Variants in ZNF91 observed in about 807,000 individuals in gnomAD.
ZNF91 encodes zinc finger protein 91 (HPF7, HTF10).
ZNF91 carries 7 observed loss-of-function variants against 12.6 expected under a neutral mutation model. The observed-to-expected ratio is 0.55, with a 90% CI of 0.31 to 1.04. The LOEUF is 1.04. Among genes scored for constraint, ZNF91 ranks in the 50% least tolerant of loss-of-function variants. The pLI is 0.05. For synonymous variants in ZNF91, 453 were observed against 462.6 expected, an observed-to-expected ratio of 0.98 and a Z score of 0.27; for missense variants, 1,217 against 1,385.4, an observed-to-expected ratio of 0.88 and a Z score of 1.93.
chr19:23,389,987 G>T (rs918897047), intron 1 of ZNF91, among the ~76,000 whole-genome samples: 1 of 152,084 alleles, frequency 6.6e-6, no homozygotes. Context: ...AGAACTCAGC[G>T]GAACACTGTA....
At chr19:23,377,478 T>C (rs571644304) in intron 1 of ZNF91, among the ~76,000 whole-genome samples, 65 of 152,310 alleles carry the variant, frequency 4.3e-4, no homozygotes, top group Non-Finnish European at 7.6e-4. Context: ...GGCCCCACTC[T>C]ATGTAATGTG....
At chr19:23,384,333 A>C (rs1364235784) in intron 1 of ZNF91, among the ~76,000 whole-genome samples, 1 of 152,070 alleles carries the variant, frequency 6.6e-6, no homozygotes, top group Non-Finnish European at 1.5e-5. Context: ...TGGCCAGGGC[A>C]GTGCACTCAG....
chr19:23,395,394 A>G lies in ZNF91; in HGVS notation c.-40T>C. On this transcript the variant is annotated 5_prime_UTR_variant, in exon 1 of 4. Coordinates refer to ENST00000300619, the MANE Select transcript of ZNF91 (RefSeq NM_003430.4). ...TCCAATACCTGCAGGTCACAGGGCC[A>G]CACAGGCTGGGCCTCCTGGAGCAGA... is the stretch of plus-strand genomic sequence containing the variant. The G allele has an allele frequency of 3.1e-6, 5 of 1,611,928 alleles. No homozygotes were observed. Among genetic ancestry groups the G allele is most frequent in the Non-Finnish European group, 4.2e-6 (5 of 1,178,940 alleles).
At chr19:23,364,737 A>T (rs776704491) in intron 3 of ZNF91, among the ~76,000 whole-genome samples, 2 of 152,204 alleles carry the variant, frequency 1.3e-5, no homozygotes, top group Non-Finnish European at 2.9e-5. Flanking sequence ...ATGACTACTC[A>T]GCTACACAGG....
At chr19:23,375,214 A>G (rs2885846) in intron 1 of ZNF91, among the ~76,000 whole-genome samples, 78,311 of 151,540 alleles carry the variant, frequency 0.52, 21,707 homozygotes, top group East Asian at 0.85. Flanking sequence ...AGGCTGGAGC[A>G]CAGTGGCGCA....
chr19:23,373,480 A>G (rs968070118), intron 3 of ZNF91, among the ~76,000 whole-genome samples: 2 of 151,596 alleles, frequency 1.3e-5, no homozygotes, highest in Non-Finnish European at 2.9e-5. Flanking sequence ...ATGTAAAATT[A>G]GCAAAATGCA....
At chr19:23,305,161 C>T (rs1967381140) in intron 3 of ZNF91, 1 of 152,148 alleles carries the variant, frequency 6.6e-6, no homozygotes, top group Admixed American at 6.5e-5. Flanking sequence ...TTTCAGATTC[C>T]TTTGCACACT....
chr19:23,323,841 A>G (rs573961354), intron 1 of ZNF91: 1 of 117,956 alleles, frequency 8.5e-6, no homozygotes, highest in Non-Finnish European at 1.7e-5. Context: ...CTTTTCTCCC[A>G]TCCTTTTCCT....
rs142961152 is a variant in ZNF91 at position 23,392,338 on chromosome 19, G to A, written c.30+2987C>T. ...CTGAACCCAAAAGGCAGAGGTTGCA[G>A]TGAGTTGAGATTGCACTACTGCACT... On this transcript the variant is annotated intron_variant, in intron 1 of 3. Transcript: ENST00000300619. Among the ~76,000 whole-genome samples, 557 of 148,660 alleles carry A rather than the reference G, an allele frequency of 3.7e-3. 8 individuals are homozygous for A. Among genetic ancestry groups the A allele is most frequent in the African/African-American group, 0.013 (534 of 40,254 alleles).
At position 23,362,188 on chromosome 19, in the gene ZNF91, T is replaced by A. The variant is rs1353636286; in HGVS notation, c.791A>T (p.Lys264Ile). 6.2e-7 allele frequency: 1 copy of A among 1,613,132 alleles called. No homozygotes were observed. Among genetic ancestry groups the A allele is most frequent in the South Asian group, 1.1e-5 (1 of 90,968 alleles). ...TTHKIICAKE[K>I]IYKCEECGKA... is the part of the protein sequence containing the mutation. ...GCCACATTCTTCACACTTGTAGATTTTCTCTTTAGCACAGATTATTTTATG... is the reference window on the plus strand; with the variant it reads ...GCCACATTCTTCACACTTGTAGATTATCTCTTTAGCACAGATTATTTTATG... The change falls in exon 4 of 4, where the codon AAA becomes ATA. Residue 264 changes from lysine to isoleucine, a missense_variant. Physicochemically the swap from Lys to Ile is moderately radical, Grantham distance 102. Transcript: ENST00000300619.
Position 23,362,413 on chromosome 19 carries a change from T to C in ZNF91, c.566A>G (p.Lys189Arg), listed in dbSNP as rs1968839864. 2 of 1,614,050 alleles carry C rather than the reference T, an allele frequency of 1.2e-6. No individual in the cohort carries two copies. The highest frequency in any genetic ancestry group is 1.7e-6 in the Non-Finnish European group (2 of 1,179,986). Reference protein sequence around the residue: ...KKCFKCKKCVKSFCIRLHKTQ... With the variant: ...KKCFKCKKCVRSFCIRLHKTQ... ...TTTGTGTAAACGGATGCAAAATGAC[T>C]TGACACATTTTTTACATTTGAAGCA... is the stretch of plus-strand genomic sequence containing the variant. The change falls in exon 4 of 4, where the codon AAG becomes AGG. Residue 189 changes from lysine (K) to arginine (R), a missense_variant. By Grantham distance (26) the Lys-to-Arg change is conservative. Coordinates refer to ENST00000300619, the MANE Select transcript of ZNF91 (RefSeq NM_003430.4).
intron 3 of ZNF91, among the ~76,000 whole-genome samples, chr19:23,351,593 A>C (rs1968368667): frequency 1.3e-5 from 2 of 152,230 alleles, no homozygotes; most frequent in Non-Finnish European, 2.9e-5. Flanking sequence ...GACATTGTAG[A>C]AGAAAATGTG....
chr19:23,391,617 A>C (rs1455163946), intron 1 of ZNF91, among the ~76,000 whole-genome samples: 1 of 152,198 alleles, frequency 6.6e-6, no homozygotes, highest in Non-Finnish European at 1.5e-5. Flanking sequence ...TATTTTAAAA[A>C]GTCTAGAAAC....
rs868737671 is a variant in ZNF91, at chr19:23,352,304, G to T, written c.254-13250C>A. Among the ~76,000 whole-genome samples the T allele has an allele frequency of 1.7e-4, 26 of 152,190 alleles. 1 individual carries two copies. The highest frequency in any genetic ancestry group is 3.4e-3 in the Middle Eastern group (1 of 294). On this transcript the variant is annotated intron_variant, in intron 3 of 3. Transcript: ENST00000599743. ...CCCTGACATCCTGTATGACTCAGCA[G>T]AGACAGCCATAATCTTCCTAGGTAC...
intron 1 of ZNF91, among the ~76,000 whole-genome samples, chr19:23,381,462 CTTTT>C (rs201511156): frequency 2.9e-5 from 4 of 137,742 alleles, no homozygotes; most frequent in Admixed American, 7.3e-5. Context: ...TTTTCTTTCT[CTTTT>C]TTTTTTTTTT....
At chr19:23,377,743 G>C (rs1209479316) in intron 1 of ZNF91, among the ~76,000 whole-genome samples, 1 of 152,180 alleles carries the variant, frequency 6.6e-6, no homozygotes, top group Non-Finnish European at 1.5e-5. Context: ...AGCAATTTCT[G>C]AGTAAGTCTG....
chr19:23,320,333 C>A (rs1193924493), intron 1 of ZNF91, among the ~76,000 whole-genome samples: 6 of 152,180 alleles, frequency 3.9e-5, no homozygotes, highest in Non-Finnish European at 7.3e-5. Flanking sequence ...GGTCTTAATG[C>A]AGATTGCAAT....
chr19:23,306,045 T>C (rs987708901), intron 3 of ZNF91, among the ~76,000 whole-genome samples: 1 of 152,236 alleles, frequency 6.6e-6, no homozygotes, highest in Admixed American at 6.5e-5. Flanking sequence ...CATATTTACA[T>C]AGAAATACTC....
intron 1 of ZNF91, among the ~76,000 whole-genome samples, chr19:23,394,200 T>C (rs1970157713): frequency 6.6e-6 from 1 of 152,058 alleles, no homozygotes; most frequent in African/African-American, 2.4e-5. Flanking sequence ...GAGACACATG[T>C]AAAAAATTCA....
Sources: allele counts gnomAD v4.1 joint callset (sites outside exome capture counted in the v4.1 genomes callset), GRCh38; gene constraint gnomAD v4.1.1; transcripts MANE v1.5; gene names NCBI Gene and HGNC (gene_info 2026-07-23, HGNC 2026-07-21).